Variants in ATG2B observed in about 807,000 individuals in gnomAD.
The protein encoded by ATG2B is autophagy related 2B.
In ATG2B, 121 loss-of-function variants were observed where a neutral mutation model predicts 241.3. The ratio of observed to expected loss-of-function variants is 0.50; its 90% CI spans 0.43 to 0.58. The LOEUF (loss-of-function observed/expected upper bound fraction) is 0.58. ATG2B is among the 20% of genes least tolerant of loss of function. The pLI, the probability that ATG2B is intolerant of heterozygous loss-of-function variation, is 0.00. For missense variants in ATG2B, 2,306 were observed against 2,491.6 expected, an observed-to-expected ratio of 0.93 and a Z score of 1.59; for synonymous variants, 858 against 876.6, an observed-to-expected ratio of 0.98 and a Z score of 0.37.
intron 7 of ATG2B, among the ~76,000 whole-genome samples, chr14:96,334,077 C>T (rs1309274081): frequency 6.6e-6 from 1 of 152,046 alleles, no homozygotes; most frequent in Non-Finnish European, 1.5e-5. Flanking sequence ...TAGATAGAAG[C>T]CATTGAAAAT....
intron 23 of ATG2B, among the ~76,000 whole-genome samples, chr14:96,314,130 C>T (rs955779873): frequency 3.9e-5 from 6 of 152,346 alleles, no homozygotes; most frequent in Middle Eastern, 3.4e-3. Context: ...CTAACCACTT[C>T]TCTACTCCTA....
At position 96,363,114 on chromosome 14, in the gene ATG2B, C is replaced by T; in HGVS notation, c.-138G>A. The T allele has an allele frequency of 1.1e-6, 1 of 945,502 alleles. No homozygotes were observed. Among genetic ancestry groups the T allele is most frequent in the Middle Eastern group, 3.3e-4 (1 of 3,024 alleles). The allele number at this position is 945,502 out of a possible 1,614,324, so 58.6% of individuals were successfully genotyped here. Reference sequence around the variant, plus strand: ...CATCCCTATTTGGTGCCGGGAGTCCCTCAGGGAGACCCCATCGCCGGCGCC... The same window carrying T: ...CATCCCTATTTGGTGCCGGGAGTCCTTCAGGGAGACCCCATCGCCGGCGCC... On this transcript the variant is annotated 5_prime_UTR_variant, in exon 1 of 42. Coordinates refer to ENST00000359933, the MANE Select transcript of ATG2B (RefSeq NM_018036.7).
rs117625169 is a variant in ATG2B at position 96,283,618 on chromosome 14, G to T, written c.*2137C>A. 2 of 152,218 alleles carry T rather than the reference G, an allele frequency of 1.3e-5. No homozygotes were observed. The highest frequency in any genetic ancestry group is 4.8e-5 in the African/African-American group (2 of 41,450). 9.4% of individuals were successfully genotyped at this position (152,218 alleles called of 1,614,324 possible). On this transcript the variant is annotated 3_prime_UTR_variant, in exon 42 of 42. Transcript: ENST00000359933. Reference sequence around the variant, plus strand: ...ATCCGTTTGGTAAGCTGCAGATGTGGCAAACCACGGATTCTAGCCACGCTC... The same window carrying T: ...ATCCGTTTGGTAAGCTGCAGATGTGTCAAACCACGGATTCTAGCCACGCTC...
chr14:96,343,600 T>C (rs1185771075), intron 4 of ATG2B, among the ~76,000 whole-genome samples: 2 of 152,256 alleles, frequency 1.3e-5, no homozygotes, highest in East Asian at 3.9e-4. Flanking sequence ...AAAAGGTAAC[T>C]TTATGAGGCT....
Position 96,331,546 on chromosome 14 carries a change from G to A in ATG2B, c.1560C>T (p.His520=). 1 of 1,614,122 alleles carries A rather than the reference G, an allele frequency of 6.2e-7. No homozygotes were observed. Among genetic ancestry groups the A allele is most frequent in the Admixed American group, 1.7e-5 (1 of 60,022 alleles). ...AVGTFSISVL[H]IDPLSPPETS... ...TTTCAGGTGGAGATAAAGGATCAAT[G>A]TGAAGCACAGAGATTGAAAAAGTTC... The change falls in exon 11 of 42, where the codon CAC becomes CAT. Residue 520 remains histidine, a synonymous_variant. Transcript: ENST00000359933.
rs768916335 is a variant in ATG2B at position 96,299,165 on chromosome 14, C to A, written c.5139+2842G>T. On this transcript the variant is annotated intron_variant, in intron 34 of 41. Coordinates refer to ENST00000359933, the MANE Select transcript of ATG2B (RefSeq NM_018036.7). ...TACTTATCTTCCTTAGCAGAATGGT[C>A]TCCCAGTCCCAGTCCACAATCAGAG... is the stretch of plus-strand genomic sequence containing the variant. Among the ~76,000 whole-genome samples the A allele has an allele frequency of 1.3e-3, 197 of 152,142 alleles. 1 individual carries two copies. The highest frequency in any genetic ancestry group is 2.3e-3 in the Non-Finnish European group (157 of 68,016).
At position 96,280,574 on chromosome 14, in the gene ATG2B, A is replaced by C. The variant is rs908264136; in HGVS notation, c.*5181T>G. ...CACATCTGTCACAACAAAATCTTTTAAAGTAAATTGCCCTTAAAAATAAGT... is the reference window on the plus strand; with the variant it reads ...CACATCTGTCACAACAAAATCTTTTCAAGTAAATTGCCCTTAAAAATAAGT... On this transcript the variant is annotated 3_prime_UTR_variant, in exon 42 of 42. Transcript: ENST00000359933. 1 of 150,940 alleles carries C rather than the reference A, an allele frequency of 6.6e-6. No homozygotes were observed. Among genetic ancestry groups the C allele is most frequent in the South Asian group, 2.4e-4 (1 of 4,222 alleles). The allele number at this position is 150,940 out of a possible 1,614,324, so 9.4% of individuals were successfully genotyped here.
In ATG2B at chr14:96,290,487, C is replaced by T. The variant is rs200959600; in HGVS notation, c.5805G>A (p.Ser1935=). ...TGAGTTCTAGAGCAGCCATCGCTGT[C>T]GAGGTACCAAAGGAAGCAGCGCCTC... The part of the protein sequence containing the change: ...FQRGAASFGT[S]TAMAALELTN... The change falls in exon 40 of 42, where the codon TCG becomes TCA. Residue 1935 remains serine, a synonymous_variant. Coordinates refer to ENST00000359933, the MANE Select transcript of ATG2B (RefSeq NM_018036.7). The surrounding 1 kb of genome is among the most constrained non-coding windows in gnomAD (Gnocchi z 4.4). The T allele has an allele frequency of 6.0e-5, 97 of 1,614,200 alleles. No individual in the cohort carries two copies. In the East Asian group the frequency reaches 1.8e-3, roughly 30 times the overall value.
rs761804958 is a variant in ATG2B, at chr14:96,303,190, G to A, written c.4908C>T (p.His1636=). The A allele has an allele frequency of 1.8e-5, 29 of 1,612,270 alleles. No homozygotes were observed. The African/African-American group carries it at 2.5e-4, about 14-fold the overall frequency. ...KPDCDSSLSE[H]PVSRQVFIVQ... ...CAATGAACACCTGCCGGGAGACTGG[G>A]TGTTCTGAGAGGCTGGAATCACAAT... Residue 1636 remains histidine (H), a synonymous_variant, in exon 33 of 42, where the codon CAC becomes CAT. Coordinates refer to ENST00000359933, the MANE Select transcript of ATG2B (RefSeq NM_018036.7).
rs745624024 is a variant in ATG2B, at chr14:96,332,596, G to A, written c.1267C>T (p.Pro423Ser). The A allele has an allele frequency of 1.2e-6, 2 of 1,609,014 alleles. No individual in the cohort carries two copies. Among genetic ancestry groups the A allele is most frequent in the Non-Finnish European group, 1.7e-6 (2 of 1,178,314 alleles). The change falls in exon 9 of 42, where the codon CCA becomes TCA. Residue 423 changes from proline to serine, a missense_variant. Pro to Ser is a moderately conservative substitution (Grantham distance 74). This residue lies in a region of ATG2B where 1,927 missense variants were observed against 2,011.2 expected (regional missense o/e 0.96). Coordinates refer to ENST00000359933, the MANE Select transcript of ATG2B (RefSeq NM_018036.7). ...MDMSHSLSSLPPLGDPPNMDL... is the reference protein window; with the variant it reads ...MDMSHSLSSLSPLGDPPNMDL... Reference sequence around the variant, plus strand: ...ATGTTTGGGGGGTCCCCAAGGGGTGGAAGAGAAGAGAGACTATGAGACATG... The same window carrying A: ...ATGTTTGGGGGGTCCCCAAGGGGTGAAAGAGAAGAGAGACTATGAGACATG...
chr14:96,341,617 T>C lies in ATG2B; in HGVS notation c.829A>G (p.Ile277Val), dbSNP rs779221577. 6 of 1,604,256 alleles carry C rather than the reference T, an allele frequency of 3.7e-6. No individual in the cohort carries two copies. In the Admixed American group the frequency reaches 5.1e-5, roughly 14 times the overall value. The change falls in exon 6 of 42, where the codon ATA becomes GTA. Residue 277 changes from isoleucine to valine, a missense_variant. Physicochemically the swap from Ile to Val is conservative, Grantham distance 29. Transcript: ENST00000359933. ...ATCTGCACTGGGTCAGAAGGTGCTA[T>C]CTCTGGTAAATTTCTAGTTAGCTGT... ...HPQLTRNLPEIAPSDPVQIGR... is the reference protein window; with the variant it reads ...HPQLTRNLPEVAPSDPVQIGR...
chr14:96,331,101 G>A (rs1595317029), intron 11 of ATG2B, among the ~76,000 whole-genome samples: 1 of 152,310 alleles, frequency 6.6e-6, no homozygotes, highest in African/African-American at 2.4e-5. Flanking sequence ...AAAGAAACTT[G>A]ACAAGAGCTG....
Position 96,328,732 on chromosome 14 carries a change from G to A in ATG2B, c.1916C>T (p.Ser639Phe). The A allele has an allele frequency of 6.2e-7, 1 of 1,612,048 alleles. No homozygotes were observed. Among genetic ancestry groups the A allele is most frequent in the Non-Finnish European group, 8.5e-7 (1 of 1,179,148 alleles). The change falls in exon 13 of 42, where the codon TCC becomes TTC. Residue 639 changes from serine (S) to phenylalanine (F), a missense_variant. Physicochemically the swap from Ser to Phe is radical, Grantham distance 155. This residue lies in a region of ATG2B where 1,927 missense variants were observed against 2,011.2 expected (regional missense o/e 0.96). Coordinates refer to ENST00000359933, the MANE Select transcript of ATG2B (RefSeq NM_018036.7). ...AAGCTGAAGACACACAGGGGAATGG[G>A]AACCAGTTTCTTCTTTGGAATGGAA... ...LTFHSKEETG[S>F]HSPVCLQLHY...
At chr14:96,316,822 C>G in intron 20 of ATG2B, 139 bp from the exon 21 acceptor site, 1 of 685,824 alleles carries the variant, frequency 1.5e-6, no homozygotes, top group Non-Finnish European at 2.4e-6. Flanking sequence ...TTGAACTATT[C>G]AATATCATGG....
At chr14:96,314,890 G>C (rs1176528334) in intron 23 of ATG2B, among the ~76,000 whole-genome samples, 1 of 152,136 alleles carries the variant, frequency 6.6e-6, no homozygotes, top group Admixed American at 6.5e-5. Context: ...TAGTAGAGAC[G>C]GGATTGACCA....
chr14:96,290,183 A>C lies in ATG2B; in HGVS notation c.5856+253T>G. On this transcript the variant is annotated intron_variant, in intron 40 of 41. Coordinates refer to ENST00000359933, the MANE Select transcript of ATG2B (RefSeq NM_018036.7). The surrounding 1 kb of genome is among the most constrained non-coding windows in gnomAD (Gnocchi z 4.4). ...CTTTCATACAAATATGGTGAAATCA[A>C]TCCTCTGCTAACTTAATGTTTACAA... The C allele has an allele frequency of 7.8e-7, 1 of 1,289,712 alleles. No homozygotes were observed. Among genetic ancestry groups the C allele is most frequent in the Non-Finnish European group, 9.8e-7 (1 of 1,015,584 alleles). 79.9% of individuals were successfully genotyped at this position (1,289,712 alleles called of 1,614,324 possible). A position where few individuals can be genotyped will look rare whatever the true frequency, so the allele number is the denominator to read the frequency against.
chr14:96,352,381 T>TAA (rs919800317), intron 1 of ATG2B, among the ~76,000 whole-genome samples: 1 of 146,146 alleles, frequency 6.8e-6, no homozygotes, highest in African/African-American at 2.5e-5. Context: ...ACTCCTACTT[T>TAA]AAAAAAAAAA....
At position 96,285,619 on chromosome 14, in the gene ATG2B, A is replaced by T; in HGVS notation, c.*136T>A. On this transcript the variant is annotated 3_prime_UTR_variant, in exon 42 of 42. Coordinates refer to ENST00000359933, the MANE Select transcript of ATG2B (RefSeq NM_018036.7). The surrounding 1 kb of genome is among the most constrained non-coding windows in gnomAD (Gnocchi z 4.2). ...TTTGGTTGCATGTTGTTTTGATGTT[A>T]AATTATTTAACTAAAAAATGCTTTT... The T allele has an allele frequency of 1.3e-6, 1 of 779,436 alleles. No individual in the cohort carries two copies. Among genetic ancestry groups the T allele is most frequent in the Non-Finnish European group, 2.1e-6 (1 of 487,464 alleles). 48.3% of individuals were successfully genotyped at this position (779,436 alleles called of 1,614,324 possible).
chr14:96,298,333 A>T (rs185234472), intron 34 of ATG2B, among the ~76,000 whole-genome samples: 1 of 152,218 alleles, frequency 6.6e-6, no homozygotes, highest in Non-Finnish European at 1.5e-5. Flanking sequence ...GGAATATGCA[A>T]TGCAACAGCC....
Sources: allele counts gnomAD v4.1 joint callset (sites outside exome capture counted in the v4.1 genomes callset), GRCh38; gene constraint gnomAD v4.1.1; regional missense constraint gnomAD v4.1.1; non-coding constraint Gnocchi (gnomAD v3.1); transcripts MANE v1.5; gene names NCBI Gene and HGNC (gene_info 2026-07-23, HGNC 2026-07-21).